The following SMCO4 variants were observed in gnomAD, a reference collection of about 807,000 sequenced individuals.
The protein encoded by SMCO4 is single-pass membrane protein with coiled-coil domains 4, also known as single-pass membrane and coiled-coil domain-containing protein 4.
Under a neutral mutation model 3.6 loss-of-function variants are expected in SMCO4, and 4 were observed. The ratio of observed to expected loss-of-function variants is 1.11; its 90% CI spans 0.54 to 2.53. The LOEUF is 2.53. SMCO4 is among the 30% of genes most tolerant of loss of function. The pLI is 0.02. For missense variants in SMCO4, 70 were observed against 80.8 expected, an observed-to-expected ratio of 0.87 and a Z score of 0.51; for synonymous variants, 36 against 35.3, an observed-to-expected ratio of 1.02 and a Z score of -0.07.
At chr11:93,513,749 G>A (rs1948979729) in intron 1 of SMCO4, among the ~76,000 whole-genome samples, 1 of 152,182 alleles carries the variant, frequency 6.6e-6, no homozygotes, top group Non-Finnish European at 1.5e-5. Context: ...TCCCAACCAA[G>A]ATACTATATA....
chr11:93,486,109 T>G (rs1009644789), intron 2 of SMCO4, among the ~76,000 whole-genome samples: 1 of 152,222 alleles, frequency 6.6e-6, no homozygotes, highest in Non-Finnish European at 1.5e-5. Context: ...TACTGCTTCC[T>G]GAATGCTCAA....
chr11:93,509,519 C>T (rs1295465787), intron 1 of SMCO4, among the ~76,000 whole-genome samples: 2 of 152,142 alleles, frequency 1.3e-5, no homozygotes, highest in Non-Finnish European at 2.9e-5. Context: ...CTTGCACATG[C>T]ATGTTTACAG....
intron 1 of SMCO4, among the ~76,000 whole-genome samples, chr11:93,538,198 G>A (rs1949244169): frequency 6.6e-6 from 1 of 152,206 alleles, no homozygotes; most frequent in African/African-American, 2.4e-5. Context: ...AGCATGGCTT[G>A]GCGCCCCGCA....
intron 2 of SMCO4, among the ~76,000 whole-genome samples, chr11:93,488,185 G>C (rs986367022): frequency 3.9e-5 from 6 of 152,230 alleles, no homozygotes; most frequent in Admixed American, 3.3e-4. Flanking sequence ...GCAGGGGGAA[G>C]ATCTTCCAGG....
intron 1 of SMCO4, among the ~76,000 whole-genome samples, chr11:93,532,574 A>G (rs1226960969): frequency 6.6e-6 from 1 of 152,178 alleles, no homozygotes; most frequent in African/African-American, 2.4e-5. Context: ...AATTCCCCTA[A>G]TAAATCCCCT....
intron 1 of SMCO4, among the ~76,000 whole-genome samples, chr11:93,531,534 T>C (rs1189386351): frequency 6.6e-6 from 1 of 152,222 alleles, no homozygotes; most frequent in Non-Finnish European, 1.5e-5. Context: ...CAACACCTTA[T>C]AATGAATCTC....
chr11:93,506,028 C>A (rs1194098955), intron 1 of SMCO4, among the ~76,000 whole-genome samples: 1 of 151,894 alleles, frequency 6.6e-6, no homozygotes, highest in Non-Finnish European at 1.5e-5. Flanking sequence ...ACGATTATAA[C>A]CAGAAATGCT....
At chr11:93,481,052 A>AC (rs374011282) in intron 2 of SMCO4, among the ~76,000 whole-genome samples, 1 of 151,720 alleles carries the variant, frequency 6.6e-6, no homozygotes, top group Non-Finnish European at 1.5e-5. Context: ...GAAAAAAAAA[A>AC]ACACCTACTA....
At chr11:93,515,969 T>C (rs1565383683) in intron 1 of SMCO4, among the ~76,000 whole-genome samples, 1 of 152,198 alleles carries the variant, frequency 6.6e-6, no homozygotes, top group East Asian at 1.9e-4. Flanking sequence ...GCAGTAAAAC[T>C]GGTTCTGTTT....
intron 1 of SMCO4, among the ~76,000 whole-genome samples, chr11:93,521,395 C>T (rs1338117053): frequency 6.6e-6 from 1 of 152,162 alleles, no homozygotes; most frequent in Non-Finnish European, 1.5e-5. Context: ...TTATCAGATG[C>T]CAGGCACTGT....
intron 2 of SMCO4, among the ~76,000 whole-genome samples, chr11:93,484,896 T>G (rs963846071): frequency 6.6e-6 from 1 of 152,114 alleles, no homozygotes; most frequent in Non-Finnish European, 1.5e-5. Flanking sequence ...GTGCAGCCAA[T>G]GCAGCAGCCA....
intron 1 of SMCO4, among the ~76,000 whole-genome samples, chr11:93,536,456 C>A (rs771531448): frequency 1.1e-4 from 16 of 151,954 alleles, no homozygotes; most frequent in Admixed American, 2.0e-4. Flanking sequence ...ATTTTGTAGG[C>A]AAATAAAAGA....
At chr11:93,518,179 T>G (rs977107468) in intron 1 of SMCO4, among the ~76,000 whole-genome samples, 1 of 152,252 alleles carries the variant, frequency 6.6e-6, no homozygotes, top group Non-Finnish European at 1.5e-5. Context: ...CTGGATAATT[T>G]GTATAAATGG....
chr11:93,530,495 T>C (rs998013655), intron 1 of SMCO4, among the ~76,000 whole-genome samples: 1 of 152,176 alleles, frequency 6.6e-6, no homozygotes, highest in African/African-American at 2.4e-5. Flanking sequence ...ACAGCTCAGC[T>C]ACATCCATCT....
At chr11:93,516,787 CAAAAAAAAG>C (rs760107399) in intron 1 of SMCO4, among the ~76,000 whole-genome samples, 40 of 145,834 alleles carry the variant, frequency 2.7e-4, no homozygotes, top group African/African-American at 4.8e-4. Context: ...AAGACTCTGT[CAAAAAAAAG>C]AAAAAAAAGA....
chr11:93,509,273 GA>G (rs1188023069), intron 1 of SMCO4, among the ~76,000 whole-genome samples: 3 of 148,282 alleles, frequency 2.0e-5, no homozygotes, highest in African/African-American at 7.5e-5. Flanking sequence ...CTAAGCAACA[GA>G]ATGAGACCCT....
chr11:93,514,842 A>G (rs1416224393), intron 1 of SMCO4, among the ~76,000 whole-genome samples: 1 of 152,186 alleles, frequency 6.6e-6, no homozygotes, highest in East Asian at 1.9e-4. Context: ...GACTTTAAAC[A>G]CATCGTCTCC....
chr11:93,515,781 G>A (rs1414445751), intron 1 of SMCO4, among the ~76,000 whole-genome samples: 1 of 152,134 alleles, frequency 6.6e-6, no homozygotes, highest in African/African-American at 2.4e-5. Flanking sequence ...AAATTCCAGG[G>A]AGATGGGCTT....
rs558816389 is a variant in SMCO4 at position 93,540,025 on chromosome 11, T to C, written c.-154+3251A>G. On this transcript the variant is annotated intron_variant, in intron 1 of 2. Transcript: ENST00000298966. ...GAAACCAGCTACATCCATTTTCAAC[T>C]TTCTATCAAAGACCTGTCCTTTCTG... Among the ~76,000 whole-genome samples, 6 of 152,208 alleles carry C rather than the reference T, an allele frequency of 3.9e-5. No homozygotes were observed. The South Asian group carries it at 1.2e-3, about 32-fold the overall frequency.
Sources: gnomAD v4.1 joint callset for allele counts (sites outside exome capture counted in the v4.1 genomes callset) on GRCh38, gnomAD v4.1.1 for gene constraint, MANE v1.5 for transcripts, NCBI Gene and HGNC (gene_info 2026-07-23, HGNC 2026-07-21) for gene names.